The following FRMPD3 variants were observed in gnomAD, a reference collection of about 807,000 sequenced individuals.
FRMPD3 encodes FERM and PDZ domain containing 3, also known as FERM and PDZ domain-containing protein 3.
FRMPD3 carries 42 observed loss-of-function variants against 97.9 expected under a neutral mutation model. The ratio of observed to expected loss-of-function variants is 0.43; its 90% CI spans 0.34 to 0.55. FRMPD3 has a LOEUF of 0.55. Among genes scored for constraint, FRMPD3 ranks in the 20% least tolerant of loss-of-function variants. The pLI, the probability that FRMPD3 is intolerant of heterozygous loss-of-function variation, is 0.03. For missense variants in FRMPD3, 1,303 were observed against 1,457.7 expected (o/e 0.89, Z 1.73); for synonymous variants, 577 against 581.1 (o/e 0.99, Z 0.10).
intron 1 of FRMPD3, among the ~76,000 whole-genome samples, chrX:107,473,047 T>C (rs1280829449): frequency 8.9e-6 from 1 of 112,317 alleles, no homozygotes; most frequent in Admixed American, 9.4e-5. Flanking sequence ...AAAAACCCTC[T>C]CTGAGTGTTA....
At chrX:107,569,066 G>A (rs190672215) in intron 12 of FRMPD3, among the ~76,000 whole-genome samples, 61 of 111,329 alleles carry the variant, frequency 5.5e-4, no homozygotes, top group African/African-American at 2.0e-3. Context: ...AGGCTGAGGC[G>A]GGCAGATCAC....
intron 1 of FRMPD3, among the ~76,000 whole-genome samples, chrX:107,504,558 TGCATA>T (rs1011777432): frequency 8.9e-6 from 1 of 112,219 alleles, no homozygotes; most frequent in Non-Finnish European, 1.9e-5. Flanking sequence ...AAGCTATGTT[TGCATA>T]GCAAGCATAG....
At chrX:107,463,684 G>A (rs190997592) in intron 1 of FRMPD3, among the ~76,000 whole-genome samples, 7 of 112,794 alleles carry the variant, frequency 6.2e-5, no homozygotes, top group Non-Finnish European at 1.3e-4. Flanking sequence ...TTCTAAAAAT[G>A]TCTCCTTGCT....
rs1351176600 is a variant in FRMPD3, at chrX:107,601,183, C to T, written c.3144C>T (p.Ser1048=). 3 of 1,210,163 alleles carry T rather than the reference C, an allele frequency of 2.5e-6. No homozygotes were observed. The highest frequency in any genetic ancestry group is 2.2e-5 in the Admixed American group (1 of 45,946). Residue 1048 remains serine, a synonymous_variant, in exon 15 of 15, where the codon TCC becomes TCT. Coordinates refer to ENST00000683843, the MANE Select transcript of FRMPD3 (RefSeq NM_001388459.1). ...GCCGGGCTGACAGCCTGCACCTCTCCCAACAAGAGGACAGTCTGCCTGTTC... is the reference window on the plus strand; with the variant it reads ...GCCGGGCTGACAGCCTGCACCTCTCTCAACAAGAGGACAGTCTGCCTGTTC... The part of the protein sequence containing the change: ...TGSRADSLHL[S]QQEDSLPVQN...
At chrX:107,517,974 C>T (rs955871996) in intron 1 of FRMPD3, among the ~76,000 whole-genome samples, 14 of 109,471 alleles carry the variant, frequency 1.3e-4, no homozygotes, top group African/African-American at 4.3e-4. Flanking sequence ...CCAATGCAGG[C>T]ATGGAGAATT....
chrX:107,475,073 T>G (rs1921163906), intron 1 of FRMPD3, among the ~76,000 whole-genome samples: 1 of 112,122 alleles, frequency 8.9e-6, no homozygotes, highest in Non-Finnish European at 1.9e-5. Context: ...CAAATGTGTC[T>G]GAATATGTGT....
At chrX:107,533,652 C>T in intron 4 of FRMPD3, 102 bp downstream of exon 4, 2 of 715,562 alleles carry the variant, frequency 2.8e-6, no homozygotes, top group South Asian at 4.9e-5. Flanking sequence ...TCAGAGACTA[C>T]AACCAACATA....
At position 107,597,559 on chromosome X, in the gene FRMPD3, C is replaced by T. The variant is rs776274614; in HGVS notation, c.1680C>T (p.Thr560=). The change falls in exon 14 of 15, where the codon ACC becomes ACT. Residue 560 remains threonine, a synonymous_variant. Transcript: ENST00000683843. ...TCTTTGAGGAGACCAGGCCCCGAAC[C>T]AAGTCTGACCCCACATCCAAAAGCT... is the stretch of plus-strand genomic sequence containing the variant. ...LIFFEETRPR[T]KSDPTSKSSG... 4.1e-6 allele frequency: 5 copies of T among 1,208,818 alleles called. No homozygotes were observed. The highest frequency in any genetic ancestry group is 5.6e-6 in the Non-Finnish European group (5 of 895,033).
rs748700557 is a variant in FRMPD3, at chrX:107,601,393, C to T, written c.3354C>T (p.Leu1118=). ...AGAGCACACCCAAAAGAAGCAAGCT[C>T]GAAGAGACCAGCCTGGTTCCCCGAG... ...QLESTPKRSK[L]EETSLVPRAT... Residue 1118 remains leucine, a synonymous_variant, in exon 15 of 15, where the codon CTC becomes CTT. Coordinates refer to ENST00000683843, the MANE Select transcript of FRMPD3 (RefSeq NM_001388459.1). 31 of 1,202,289 alleles carry T rather than the reference C, an allele frequency of 2.6e-5. No individual in the cohort carries two copies. The South Asian group carries it at 3.8e-4, about 15-fold the overall frequency.
intron 1 of FRMPD3, among the ~76,000 whole-genome samples, chrX:107,475,257 G>T (rs1921170080): frequency 8.9e-6 from 1 of 111,788 alleles, no homozygotes; most frequent in African/African-American, 3.3e-5. Context: ...CTTAATCCCA[G>T]CTCTCCTCCC....
At chrX:107,467,651 C>T (rs1464954529) in intron 1 of FRMPD3, among the ~76,000 whole-genome samples, 2 of 110,455 alleles carry the variant, frequency 1.8e-5, no homozygotes, top group Non-Finnish European at 3.8e-5. Context: ...TGGGTTTTTC[C>T]CCCTCTCTCA....
chrX:107,454,754 C>T (rs1042370699), intron 1 of FRMPD3, among the ~76,000 whole-genome samples: 2 of 112,159 alleles, frequency 1.8e-5, no homozygotes, highest in African/African-American at 6.5e-5. Context: ...CAAAGTTCTC[C>T]TTGTGTGGAC....
chrX:107,542,541 G>T (rs1921361647), intron 4 of FRMPD3, among the ~76,000 whole-genome samples: 1 of 111,782 alleles, frequency 8.9e-6, no homozygotes, highest in Non-Finnish European at 1.9e-5. Flanking sequence ...ATGCAGCCAG[G>T]ACTGACACTC....
At position 107,475,611 on chromosome X, in the gene FRMPD3, G is replaced by A. The variant is rs775748037; in HGVS notation, c.-8+25606G>A. Among the ~76,000 whole-genome samples, 227 of 112,585 alleles carry A rather than the reference G, an allele frequency of 2.0e-3. 2 individuals are homozygous for A. The highest frequency in any genetic ancestry group is 9.2e-3 in the Middle Eastern group (2 of 217). On this transcript the variant is annotated intron_variant, in intron 1 of 14. Transcript: ENST00000683843. ...ATTCATTGTTGAAGTTCTCTCTAAA[G>A]TATGAAACCTCTTTCTTGTCTTAGA...
chrX:107,511,903 G>A (rs899424730), intron 1 of FRMPD3, among the ~76,000 whole-genome samples: 1 of 112,059 alleles, frequency 8.9e-6, no homozygotes. Context: ...TGGCCTCGGA[G>A]AGATGTGTTC....
intron 1 of FRMPD3, among the ~76,000 whole-genome samples, chrX:107,484,904 C>T (rs1428571166): frequency 8.9e-6 from 1 of 112,149 alleles, no homozygotes; most frequent in Non-Finnish European, 1.9e-5. Flanking sequence ...TCAGCATCAC[C>T]CTTCACCTCC....
chrX:107,504,375 A>G, intron 1 of FRMPD3, among the ~76,000 whole-genome samples: 1 of 112,301 alleles, frequency 8.9e-6, no homozygotes. Flanking sequence ...TTTATATCCA[A>G]GGGGCTTCAG....
In FRMPD3 at chrX:107,603,530, C is replaced by G. The variant is rs144482384; in HGVS notation, c.*157C>G. On this transcript the variant is annotated 3_prime_UTR_variant, in exon 15 of 15. Transcript: ENST00000683843. ...GGAGTGGAAACTCTCTTGATTGAGGCTCTCTCTTAAGGGCTGCAGGCTTAG... is the reference window on the plus strand; with the variant it reads ...GGAGTGGAAACTCTCTTGATTGAGGGTCTCTCTTAAGGGCTGCAGGCTTAG... 2.9e-6 allele frequency: 3 copies of G among 1,046,137 alleles called. No homozygotes were observed. The African/African-American group carries it at 5.7e-5, about 20-fold the overall frequency. The allele number at this position is 1,046,137 out of a possible 1,213,427, so 86.2% of individuals were successfully genotyped here. A position where few individuals can be genotyped will look rare whatever the true frequency, so the allele number is the denominator to read the frequency against.
Position 107,600,488 on chromosome X carries a change from C to G in FRMPD3, c.2449C>G (p.Arg817Gly), listed in dbSNP as rs1331765703. 1 of 1,208,845 alleles carries G rather than the reference C, an allele frequency of 8.3e-7. No homozygotes were observed. Among genetic ancestry groups the G allele is most frequent in the African/African-American group, 1.8e-5 (1 of 57,118 alleles). The change falls in exon 15 of 15, where the codon CGG becomes GGG. Residue 817 changes from arginine to glycine, a missense_variant. Arg to Gly is a moderately radical substitution (Grantham distance 125). Around this residue, in one of 3 missense-constraint regions of FRMPD3, gnomAD observed 764 missense variants for 820.2 expected, o/e 0.93. Transcript: ENST00000683843. Reference sequence around the variant, plus strand: ...CCTTGCCCGCAAGGACCTGCCCTTCCGGATCCAGAGCTGTGCAGCCCAGGC... The same window carrying G: ...CCTTGCCCGCAAGGACCTGCCCTTCGGGATCCAGAGCTGTGCAGCCCAGGC... ...SLLARKDLPF[R>G]IQSCAAQAVL...
Sources: gnomAD v4.1 joint callset for allele counts (sites outside exome capture counted in the v4.1 genomes callset) on GRCh38, gnomAD v4.1.1 for gene constraint, gnomAD v4.1.1 regional missense constraint, MANE v1.5 for transcripts, NCBI Gene and HGNC (gene_info 2026-07-23, HGNC 2026-07-21) for gene names.